Variants in STXBP5L observed in about 807,000 individuals in gnomAD.
STXBP5L encodes syntaxin-binding protein 5-like.
Under a neutral mutation model 144.5 loss-of-function variants are expected in STXBP5L, and 65 were observed. The observed-to-expected ratio is 0.45, with a 90% CI of 0.37 to 0.55. The LOEUF (loss-of-function observed/expected upper bound fraction) is 0.55. Ranked by LOEUF, STXBP5L falls within the 20% of genes least tolerant of loss-of-function variation. The pLI, the probability that STXBP5L is intolerant of heterozygous loss-of-function variation, is 0.00. For missense variants in STXBP5L, 1,298 were observed against 1,405.5 expected, an observed-to-expected ratio of 0.92 and a Z score of 1.22; for synonymous variants, 505 against 469.6, an observed-to-expected ratio of 1.08 and a Z score of -0.97.
At chr3:121,321,534 G>A (rs945127712) in intron 20 of STXBP5L, among the ~76,000 whole-genome samples, 1 of 152,212 alleles carries the variant, frequency 6.6e-6, no homozygotes, top group Non-Finnish European at 1.5e-5. Context: ...TCTTGCTGTT[G>A]TAGGAATTGC....
chr3:121,247,092 T>C (rs2049878294), intron 14 of STXBP5L, among the ~76,000 whole-genome samples: 1 of 152,232 alleles, frequency 6.6e-6, no homozygotes, highest in Non-Finnish European at 1.5e-5. Context: ...TACATCTGAA[T>C]AAAGCTGTTA....
intron 3 of STXBP5L, among the ~76,000 whole-genome samples, chr3:121,032,373 C>T (rs1186409385): frequency 2.0e-5 from 3 of 151,926 alleles, no homozygotes; most frequent in East Asian, 1.9e-4. Context: ...TAGAGAAAGA[C>T]TGAAAAGTGA....
At chr3:121,336,394 G>A (rs146652139) in intron 20 of STXBP5L, among the ~76,000 whole-genome samples, 1 of 152,214 alleles carries the variant, frequency 6.6e-6, no homozygotes, top group East Asian at 1.9e-4. Context: ...CTACTCAGGA[G>A]GCTGAGATGG....
intron 5 of STXBP5L, among the ~76,000 whole-genome samples, chr3:121,073,677 C>T (rs1373587300): frequency 6.6e-6 from 1 of 152,178 alleles, no homozygotes; most frequent in Non-Finnish European, 1.5e-5. Context: ...AAGGCCATGT[C>T]CTGCTCTTTT....
intron 9 of STXBP5L, among the ~76,000 whole-genome samples, chr3:121,169,824 C>A (rs753851335): frequency 2.0e-5 from 3 of 152,166 alleles, no homozygotes; most frequent in Non-Finnish European, 4.4e-5. Context: ...AGGACTTGAA[C>A]TCAGCTCTGG....
At chr3:121,042,437 A>G (rs1044344884) in intron 4 of STXBP5L, among the ~76,000 whole-genome samples, 1 of 152,174 alleles carries the variant, frequency 6.6e-6, no homozygotes, top group Admixed American at 6.6e-5. Context: ...TGGAAATTAG[A>G]GTCTTCTAGA....
intron 5 of STXBP5L, among the ~76,000 whole-genome samples, chr3:121,085,650 A>G (rs1225812578): frequency 1.3e-5 from 2 of 152,152 alleles, no homozygotes; most frequent in Non-Finnish European, 2.9e-5. Flanking sequence ...AGAACTACAA[A>G]CCACTGCTCA....
At chr3:121,409,378 CAG>C (rs1198792230) in intron 23 of STXBP5L, among the ~76,000 whole-genome samples, 4 of 151,548 alleles carry the variant, frequency 2.6e-5, no homozygotes, top group Non-Finnish European at 5.9e-5. Context: ...TAAAATATAG[CAG>C]AGAGGTCAAA....
chr3:121,056,768 G>A (rs933983660), intron 5 of STXBP5L, among the ~76,000 whole-genome samples: 2 of 151,654 alleles, frequency 1.3e-5, no homozygotes, highest in African/African-American at 4.8e-5. Flanking sequence ...CTTTATAGAC[G>A]TTCATTACAT....
chr3:121,143,742 G>A (rs2045603567), intron 7 of STXBP5L, among the ~76,000 whole-genome samples: 1 of 151,648 alleles, frequency 6.6e-6, no homozygotes, highest in Non-Finnish European at 1.5e-5. Flanking sequence ...TGAGAAAACT[G>A]GATATCCACA....
chr3:121,417,129 G>A (rs970503842), intron 25 of STXBP5L, among the ~76,000 whole-genome samples: 1 of 152,198 alleles, frequency 6.6e-6, no homozygotes, highest in Non-Finnish European at 1.5e-5. Flanking sequence ...AATTCAGAAA[G>A]ACTGAAAGTA....
intron 2 of STXBP5L, among the ~76,000 whole-genome samples, chr3:120,951,291 A>G (rs1459629047): frequency 6.6e-6 from 1 of 152,210 alleles, no homozygotes; most frequent in Non-Finnish European, 1.5e-5. Flanking sequence ...ACAAAAGCCA[A>G]AATTGACAAA....
intron 18 of STXBP5L, among the ~76,000 whole-genome samples, chr3:121,278,524 G>T (rs924176795): frequency 2.0e-5 from 3 of 151,764 alleles, no homozygotes; most frequent in African/African-American, 7.3e-5. Flanking sequence ...GAAGTAATTT[G>T]CTATATTTTA....
intron 22 of STXBP5L, among the ~76,000 whole-genome samples, chr3:121,402,100 G>A (rs974693422): frequency 1.3e-5 from 2 of 152,104 alleles, no homozygotes; most frequent in Non-Finnish European, 2.9e-5. Flanking sequence ...TTGTGTAGCT[G>A]ATCTTGAGTA....
chr3:121,168,927 G>C (rs1037791191), intron 9 of STXBP5L, among the ~76,000 whole-genome samples: 15 of 152,076 alleles, frequency 9.9e-5, no homozygotes, highest in South Asian at 2.1e-4. Flanking sequence ...AAACATTAAG[G>C]GCAGCCAGGG....
intron 5 of STXBP5L, among the ~76,000 whole-genome samples, chr3:121,081,414 T>C (rs2042242733): frequency 6.6e-6 from 1 of 152,166 alleles, no homozygotes; most frequent in African/African-American, 2.4e-5. Flanking sequence ...ATGTTTGTAG[T>C]TTATTTTAGC....
chr3:120,983,019 T>G (rs1322504610), intron 3 of STXBP5L, among the ~76,000 whole-genome samples: 1 of 152,178 alleles, frequency 6.6e-6, no homozygotes, highest in African/African-American at 2.4e-5. Flanking sequence ...AGGCTGGACC[T>G]TTCTCTGCCT....
At chr3:121,238,904 T>A in intron 12 of STXBP5L, 67 bp from the exon 13 acceptor site, 1 of 1,401,580 alleles carries the variant, frequency 7.1e-7, no homozygotes, top group Non-Finnish European at 9.6e-7. Context: ...TAGGGCTTAC[T>A]TTATCAAAAT....
intron 5 of STXBP5L, among the ~76,000 whole-genome samples, chr3:121,114,456 TAA>T (rs2044144479): frequency 1.3e-5 from 2 of 152,154 alleles, no homozygotes; most frequent in Non-Finnish European, 2.9e-5. Flanking sequence ...AAGTAAATAT[TAA>T]GTTTACGAAA....
Sources: gnomAD v4.1 joint callset for allele counts (sites outside exome capture counted in the v4.1 genomes callset) on GRCh38, gnomAD v4.1.1 for gene constraint, MANE v1.5 for transcripts, NCBI Gene and HGNC (gene_info 2026-07-23, HGNC 2026-07-21) for gene names.